Variants in THADA observed in about 807,000 individuals in gnomAD.
The protein encoded by THADA is THADA armadillo repeat containing, also known as tRNA (32-2'-O)-methyltransferase regulator THADA.
In THADA, 213 loss-of-function variants were observed where a neutral mutation model predicts 219.8. The ratio of observed to expected loss-of-function variants is 0.97; its 90% CI spans 0.87 to 1.09. The LOEUF is 1.09. THADA is among the 50% of genes least tolerant of loss of function. THADA has a pLI of 0.00. For synonymous variants in THADA, 1,018 were observed against 828.9 expected (o/e 1.23, Z -3.92); for missense variants, 2,956 against 2,311.3 (o/e 1.28, Z -5.72).
At chr2:43,505,120 G>A (rs1394364143) in intron 24 of THADA, among the ~76,000 whole-genome samples, 1 of 152,252 alleles carries the variant, frequency 6.6e-6, no homozygotes, top group South Asian at 2.1e-4. Flanking sequence ...ATTTTCAACT[G>A]CTGAGTTACA....
intron 31 of THADA, among the ~76,000 whole-genome samples, chr2:43,314,650 G>A (rs574788128): frequency 6.6e-6 from 1 of 152,160 alleles, no homozygotes; most frequent in Non-Finnish European, 1.5e-5. Flanking sequence ...TCTCCATGTC[G>A]CTGCCCAGCC....
chr2:43,459,506 A>G (rs565110451), intron 26 of THADA, among the ~76,000 whole-genome samples: 1 of 152,300 alleles, frequency 6.6e-6, no homozygotes, highest in African/African-American at 2.4e-5. Context: ...CCCACCCTCC[A>G]AAGAGCTGAT....
At chr2:43,290,758 T>C (rs1674599715) in intron 34 of THADA, among the ~76,000 whole-genome samples, 1 of 151,956 alleles carries the variant, frequency 6.6e-6, no homozygotes, top group Non-Finnish European at 1.5e-5. Context: ...CTTCAGGTAA[T>C]TTTCCTGTGG....
chr2:43,367,820 T>C (rs192638697), intron 29 of THADA, among the ~76,000 whole-genome samples: 4 of 152,284 alleles, frequency 2.6e-5, no homozygotes, highest in Admixed American at 2.6e-4. Flanking sequence ...AAAGTTTAAT[T>C]TTTAAAAACA....
At chr2:43,246,318 AAC>A (rs1314487313) in intron 36 of THADA, among the ~76,000 whole-genome samples, 1 of 152,054 alleles carries the variant, frequency 6.6e-6, no homozygotes, top group African/African-American at 2.4e-5. Flanking sequence ...AACATGGCGA[AAC>A]CCTGTCTCTA....
chr2:43,300,485 G>A (rs1676129422), intron 31 of THADA, among the ~76,000 whole-genome samples: 1 of 152,086 alleles, frequency 6.6e-6, no homozygotes, highest in Non-Finnish European at 1.5e-5. Context: ...ACACACTAAA[G>A]CCATATGAAA....
chr2:43,399,773 G>C (rs1416816359), intron 28 of THADA, among the ~76,000 whole-genome samples: 2 of 151,874 alleles, frequency 1.3e-5, no homozygotes, highest in African/African-American at 4.8e-5. Context: ...CTTTTTAAGT[G>C]ATTAAATGTT....
intron 26 of THADA, among the ~76,000 whole-genome samples, chr2:43,448,835 G>A (rs1335540342): frequency 1.3e-5 from 2 of 151,896 alleles, no homozygotes; most frequent in East Asian, 1.9e-4. Context: ...TGAGAAAGAG[G>A]GAGAACCTGA....
At chr2:43,577,919 G>C (rs1169763689) in intron 9 of THADA, among the ~76,000 whole-genome samples, 3 of 151,918 alleles carry the variant, frequency 2.0e-5, no homozygotes, top group African/African-American at 7.3e-5. Flanking sequence ...ATACTAATGA[G>C]AGATGACACT....
At chr2:43,410,879 G>C (rs1263982190) in intron 28 of THADA, among the ~76,000 whole-genome samples, 1 of 152,082 alleles carries the variant, frequency 6.6e-6, no homozygotes, top group African/African-American at 2.4e-5. Flanking sequence ...CCCCAATAAA[G>C]TTGTTTTTAA....
chr2:43,345,305 C>T (rs1558615646), intron 29 of THADA, among the ~76,000 whole-genome samples: 1 of 152,174 alleles, frequency 6.6e-6, no homozygotes, highest in Admixed American at 6.5e-5. Flanking sequence ...AAAATCAATC[C>T]AGAGTCATCA....
At chr2:43,514,590 T>C (rs1467461860) in intron 22 of THADA, among the ~76,000 whole-genome samples, 1,694 of 99,358 alleles carry the variant, frequency 0.017, 16 homozygotes, top group African/African-American at 0.027. Context: ...ATATTTTATA[T>C]ATGTATATTT....
At chr2:43,541,129 T>C in intron 21 of THADA, 30 bp downstream of exon 21, 3 of 1,480,502 alleles carry the variant, frequency 2.0e-6, no homozygotes, top group Non-Finnish European at 2.7e-6. Context: ...GACCAGAAAT[T>C]ATACATGGTG....
At chr2:43,440,671 T>C (rs1680738094) in intron 26 of THADA, among the ~76,000 whole-genome samples, 1 of 152,222 alleles carries the variant, frequency 6.6e-6, no homozygotes, top group South Asian at 2.1e-4. Flanking sequence ...AGAAAGGCAA[T>C]GGATATGTCT....
intron 20 of THADA, among the ~76,000 whole-genome samples, 177 bp from the exon 21 acceptor site, chr2:43,541,493 A>C (rs1695304763): frequency 6.6e-6 from 1 of 152,134 alleles, no homozygotes; most frequent in South Asian, 2.1e-4. Context: ...TTATGAGAAG[A>C]AATCATGCTA....
chr2:43,363,630 CAAATGG>C (rs1669774290), intron 29 of THADA, among the ~76,000 whole-genome samples: 1 of 152,120 alleles, frequency 6.6e-6, no homozygotes, highest in East Asian at 1.9e-4. Context: ...ATTGGAAAAA[CAAATGG>C]AAAGACTGAG....
chr2:43,561,882 T>G (rs1698112308), intron 15 of THADA, among the ~76,000 whole-genome samples: 1 of 152,228 alleles, frequency 6.6e-6, no homozygotes, highest in African/African-American at 2.4e-5. Flanking sequence ...TACCTGTGGT[T>G]GTGTTACAAA....
intron 34 of THADA, among the ~76,000 whole-genome samples, chr2:43,289,272 A>T (rs984338205): frequency 6.6e-6 from 1 of 152,216 alleles, no homozygotes; most frequent in Non-Finnish European, 1.5e-5. Flanking sequence ...CACTTTTTCT[A>T]GAACAGGGAC....
intron 33 of THADA, 102 bp downstream of exon 33, chr2:43,292,002 G>C (rs1674785525): frequency 1.2e-6 from 1 of 811,484 alleles, no homozygotes. Flanking sequence ...ATGAAATACA[G>C]GACCTGAGAC....
Sources: gnomAD v4.1 joint callset for allele counts (sites outside exome capture counted in the v4.1 genomes callset) on GRCh38, gnomAD v4.1.1 for gene constraint, MANE v1.5 for transcripts, NCBI Gene and HGNC (gene_info 2026-07-23, HGNC 2026-07-21) for gene names.